Variants in LINGO1 observed in about 807,000 individuals in gnomAD.
The protein encoded by LINGO1 is leucine rich repeat and Ig domain containing 1, also known as leucine-rich repeat and immunoglobulin-like domain-containing nogo receptor-interacting protein 1.
Under a neutral mutation model 37.3 loss-of-function variants are expected in LINGO1, and 11 were observed. The observed-to-expected ratio is 0.29, with a 90% confidence interval of 0.19 to 0.49. The LOEUF is 0.49. Among genes scored for constraint, LINGO1 ranks in the 20% least tolerant of loss-of-function variants. The pLI is 0.99. For missense variants in LINGO1, 585 were observed against 878.2 expected, an observed-to-expected ratio of 0.67 and a Z score of 4.22; for synonymous variants, 387 against 403.0, an observed-to-expected ratio of 0.96 and a Z score of 0.48.
At chr15:77,791,000 T>C (rs1294377852), upstream of LINGO1, among the ~76,000 whole-genome samples, 1 of 152,150 alleles carries the variant, frequency 6.6e-6, no homozygotes, top group Non-Finnish European at 1.5e-5. Context: ...AAGGTGACTA[T>C]GGGGCTTGTG....
chr15:77,678,962 G>A (rs1399797230), intron 2 of LINGO1, among the ~76,000 whole-genome samples: 2 of 152,078 alleles, frequency 1.3e-5, no homozygotes, highest in African/African-American at 4.8e-5. Flanking sequence ...GTGCAGTGGC[G>A]CCATCTCAGC....
chr15:77,632,507 G>A lies in LINGO1; in HGVS notation c.-192C>T, dbSNP rs1381691921. 16 of 429,524 alleles carry A rather than the reference G, an allele frequency of 3.7e-5. No homozygotes were observed. Among genetic ancestry groups the A allele is most frequent in the Non-Finnish European group, 2.2e-5 (6 of 273,854 alleles). 26.6% of individuals were successfully genotyped at this position (429,524 alleles called of 1,614,324 possible). A position where few individuals can be genotyped will look rare whatever the true frequency, so the allele number is the denominator to read the frequency against. On this transcript the variant is annotated 5_prime_UTR_variant, in exon 1 of 2. Coordinates refer to ENST00000355300, the MANE Select transcript of LINGO1 (RefSeq NM_032808.7). The surrounding 1 kb of genome is among the most constrained non-coding windows in gnomAD (Gnocchi z 6.0). ...GCCCCGCGCGGGCGGGAGCCGAGCCGGAGCCGGGGCCGGGGCTCGGGAGTG... is the reference window on the plus strand; with the variant it reads ...GCCCCGCGCGGGCGGGAGCCGAGCCAGAGCCGGGGCCGGGGCTCGGGAGTG...
intron 1 of LINGO1, among the ~76,000 whole-genome samples, chr15:77,765,900 C>A (rs1159681698): frequency 6.6e-6 from 1 of 152,128 alleles, no homozygotes; most frequent in African/African-American, 2.4e-5. Flanking sequence ...GGGACACCAG[C>A]CTTTAGCACC....
intron 2 of LINGO1, among the ~76,000 whole-genome samples, chr15:77,732,952 G>A (rs1219013741): frequency 2.0e-5 from 3 of 152,180 alleles, no homozygotes; most frequent in Non-Finnish European, 2.9e-5. Flanking sequence ...CCTCCCCACC[G>A]GCCACGGCCG....
At chr15:77,753,439 G>A (rs1402142333) in intron 1 of LINGO1, among the ~76,000 whole-genome samples, 1 of 152,258 alleles carries the variant, frequency 6.6e-6, no homozygotes, top group Non-Finnish European at 1.5e-5. Context: ...GGGCCTGGCT[G>A]AGCCAGGCGC....
chr15:77,633,623 G>A (rs997517688), upstream of LINGO1, among the ~76,000 whole-genome samples: 5 of 152,166 alleles, frequency 3.3e-5, no homozygotes, highest in African/African-American at 1.2e-4. Flanking sequence ...GAGGGCGGCA[G>A]GCCTCTCTGG....
intron 3 of LINGO1, among the ~76,000 whole-genome samples, chr15:77,658,842 C>G (rs984296116): frequency 6.6e-6 from 1 of 152,032 alleles, no homozygotes. Flanking sequence ...TAAGACTGAG[C>G]GAGGACGGAG....
chr15:77,701,843 T>G (rs1320323421), intron 2 of LINGO1, among the ~76,000 whole-genome samples: 2 of 152,132 alleles, frequency 1.3e-5, no homozygotes, highest in Non-Finnish European at 1.5e-5. Flanking sequence ...TGCAGAACCA[T>G]GACCCAAACA....
At chr15:77,660,182 T>C (rs1373332536) in intron 3 of LINGO1, 1 of 152,110 alleles carries the variant, frequency 6.6e-6, no homozygotes, top group African/African-American at 2.4e-5. Context: ...TTGAGGCTCA[T>C]GGTAAATAGG....
upstream of LINGO1, among the ~76,000 whole-genome samples, chr15:77,637,324 C>T (rs368379532): frequency 2.0e-5 from 3 of 152,202 alleles, no homozygotes; most frequent in East Asian, 5.8e-4. The surrounding 1 kb of genome is among the most constrained non-coding windows in gnomAD (Gnocchi z 4.6). Flanking sequence ...GGCCCACCCC[C>T]GTTAACTGGG....
intron 1 of LINGO1, among the ~76,000 whole-genome samples, chr15:77,785,856 A>G (rs1227257395): frequency 6.6e-6 from 1 of 152,036 alleles, no homozygotes; most frequent in Admixed American, 6.6e-5. Flanking sequence ...TGATCCCTCT[A>G]ACTTCATGTT....
At chr15:77,794,337 TACATAC>T (rs1388142586) in intron 2 of LINGO1, among the ~76,000 whole-genome samples, 7,514 of 126,998 alleles carry the variant, frequency 0.059, 1,907 homozygotes, top group Admixed American at 0.15. Flanking sequence ...TATATGTATA[TACATAC>T]ATATATACGT....
chr15:77,739,969 C>T (rs1344270840), intron 1 of LINGO1, among the ~76,000 whole-genome samples: 1 of 152,254 alleles, frequency 6.6e-6, no homozygotes, highest in Non-Finnish European at 1.5e-5. Flanking sequence ...TTATGGAGCA[C>T]CTATCCTGTG....
At chr15:77,660,289 T>A (rs1596064138) in intron 3 of LINGO1, 1 of 151,914 alleles carries the variant, frequency 6.6e-6, no homozygotes, top group Admixed American at 6.6e-5. Context: ...CGTGGAGGGG[T>A]GCCGAGGCCT....
chr15:77,618,456 G>T (rs1218836453), intron 1 of LINGO1, among the ~76,000 whole-genome samples: 1 of 151,498 alleles, frequency 6.6e-6, no homozygotes, highest in Non-Finnish European at 1.5e-5. Context: ...CCACCCCAAA[G>T]GCCACCTCCT....
At chr15:77,793,001 G>A (rs1048360511) in intron 2 of LINGO1, among the ~76,000 whole-genome samples, 16 of 152,272 alleles carry the variant, frequency 1.1e-4, no homozygotes, top group African/African-American at 3.6e-4. Flanking sequence ...CAGAGGTCAG[G>A]GGAGCTTCCT....
chr15:77,718,616 C>G (rs1203091752), intron 2 of LINGO1, among the ~76,000 whole-genome samples: 1 of 150,952 alleles, frequency 6.6e-6, no homozygotes, highest in African/African-American at 2.4e-5. Flanking sequence ...ACGCTGGGAG[C>G]CAGCCTGCAG....
At chr15:77,620,029 TC>T (rs1313441668) in intron 1 of LINGO1, among the ~76,000 whole-genome samples, 1 of 152,130 alleles carries the variant, frequency 6.6e-6, no homozygotes, top group African/African-American at 2.4e-5. Context: ...CCCCATGGGG[TC>T]CCTGTCATCT....
At chr15:77,813,299 T>C (rs1249156379) in intron 1 of LINGO1, among the ~76,000 whole-genome samples, 1 of 151,230 alleles carries the variant, frequency 6.6e-6, no homozygotes, top group African/African-American at 2.4e-5. Flanking sequence ...CGGACAGGGA[T>C]GGGGGAGAAC....
Sources: gnomAD v4.1 joint callset for allele counts (sites outside exome capture counted in the v4.1 genomes callset) on GRCh38, gnomAD v4.1.1 for gene constraint, Gnocchi (gnomAD v3.1) non-coding constraint, MANE v1.5 for transcripts, NCBI Gene and HGNC (gene_info 2026-07-23, HGNC 2026-07-21) for gene names.